KCNIP1: variants seen among roughly 807,000 people sequenced by gnomAD.
KCNIP1 encodes the protein potassium voltage-gated channel interacting protein 1.
KCNIP1 carries 18 observed loss-of-function variants against 33.0 expected under a neutral mutation model. That is an observed-to-expected ratio of 0.55 (90% CI 0.38 to 0.81). The LOEUF is 0.81. Ranked by LOEUF, KCNIP1 falls within the 30% of genes least tolerant of loss-of-function variation. KCNIP1 has a pLI of 0.00. For synonymous variants in KCNIP1, 93 were observed against 98.3 expected, an observed-to-expected ratio of 0.95 and a Z score of 0.32; for missense variants, 238 against 271.6, an observed-to-expected ratio of 0.88 and a Z score of 0.87.
chr5:170,368,413 G>A (rs780530239), intron 1 of KCNIP1, among the ~76,000 whole-genome samples: 4 of 151,856 alleles, frequency 2.6e-5, no homozygotes, highest in Non-Finnish European at 4.4e-5. Context: ...TACAGGTGCC[G>A]GCCACCACAG....
chr5:170,466,759 C>T (rs1169104770), intron 1 of KCNIP1, among the ~76,000 whole-genome samples: 2 of 152,114 alleles, frequency 1.3e-5, no homozygotes, highest in South Asian at 2.1e-4. Flanking sequence ...TTTATGAGGA[C>T]GCTAATCCCA....
rs137878062 is a variant in KCNIP1 at position 170,663,262 on chromosome 5, G to T, written c.62-55496G>T. Among the ~76,000 whole-genome samples, 151 of 152,296 alleles carry T rather than the reference G, an allele frequency of 9.9e-4. 1 individual carries two copies. Among genetic ancestry groups the T allele is most frequent in the African/African-American group, 3.5e-3 (145 of 41,560 alleles). The stretch of plus-strand genomic sequence containing the variant: ...GCCAGAGTGAAACTCTGGGGTATTT[G>T]ACTTTAAAGTCCCAGCCTTTAAATC... On this transcript the variant is annotated intron_variant, in intron 1 of 7. Coordinates refer to ENST00000328939, the MANE Select transcript of KCNIP1 (RefSeq NM_014592.4).
upstream of KCNIP1, among the ~76,000 whole-genome samples, chr5:170,503,743 CACACACACACACACACACACAT>C (rs1304382191): frequency 2.0e-5 from 3 of 150,674 alleles, no homozygotes; most frequent in African/African-American, 7.3e-5. Context: ...CACACACACA[CACACACACACACACACACACAT>C]ACACACACAC....
At chr5:170,700,322 T>C (rs1763050486) in intron 1 of KCNIP1, among the ~76,000 whole-genome samples, 1 of 152,132 alleles carries the variant, frequency 6.6e-6, no homozygotes, top group African/African-American at 2.4e-5. Flanking sequence ...CTTTCCTCCA[T>C]CATAATTTGC....
chr5:170,722,506 G>A (rs147394565), intron 4 of KCNIP1, among the ~76,000 whole-genome samples: 181 of 144,498 alleles, frequency 1.3e-3, no homozygotes, highest in African/African-American at 4.3e-3. Context: ...CCTCAAGGGG[G>A]CACCTTGCAA....
intron 1 of KCNIP1, among the ~76,000 whole-genome samples, chr5:170,467,192 G>A (rs1444395797): frequency 1.3e-5 from 2 of 152,174 alleles, no homozygotes; most frequent in Non-Finnish European, 1.5e-5. Context: ...GCAGCTGGCC[G>A]TGAGTCAGAG....
At chr5:170,583,063 G>A (rs534497769) in intron 1 of KCNIP1, among the ~76,000 whole-genome samples, 3 of 152,336 alleles carry the variant, frequency 2.0e-5, no homozygotes, top group East Asian at 1.9e-4. Flanking sequence ...CTGTGGGTGG[G>A]AGGGCTTTCA....
At chr5:170,686,365 G>A (rs1762537848) in intron 1 of KCNIP1, among the ~76,000 whole-genome samples, 2 of 151,554 alleles carry the variant, frequency 1.3e-5, no homozygotes, top group African/African-American at 2.4e-5. Context: ...AGAGGGGGAG[G>A]GAGGAACAGA....
chr5:170,691,140 T>C (rs982874456), intron 1 of KCNIP1, among the ~76,000 whole-genome samples: 6 of 152,220 alleles, frequency 3.9e-5, no homozygotes, highest in Non-Finnish European at 7.3e-5. Context: ...AACCATCAGT[T>C]TGAATGCCTT....
At chr5:170,492,908 C>A (rs1013037598) in intron 1 of KCNIP1, among the ~76,000 whole-genome samples, 1 of 152,142 alleles carries the variant, frequency 6.6e-6, no homozygotes, top group African/African-American at 2.4e-5. Flanking sequence ...CACCACCATG[C>A]CTGGCTAATT....
At chr5:170,457,219 AC>A (rs59326560) in intron 1 of KCNIP1, among the ~76,000 whole-genome samples, 11,947 of 152,286 alleles carry the variant, frequency 0.078, 530 homozygotes, top group East Asian at 0.24. Context: ...GACACAAACT[AC>A]AAAAACTGAC....
At chr5:170,525,278 A>C (rs1170843854) in intron 1 of KCNIP1, among the ~76,000 whole-genome samples, 1 of 152,188 alleles carries the variant, frequency 6.6e-6, no homozygotes, top group African/African-American at 2.4e-5. Context: ...CTACTCCCGC[A>C]CTTAGTAGCC....
chr5:170,608,711 G>A (rs564768862), intron 1 of KCNIP1, among the ~76,000 whole-genome samples: 3 of 151,754 alleles, frequency 2.0e-5, no homozygotes, highest in South Asian at 4.2e-4. Flanking sequence ...GGCAGAGGTT[G>A]CAGTGAGCTG....
Position 170,722,644 on chromosome 5 carries a change from C to T in KCNIP1, c.328-69C>T, listed in dbSNP as rs189799671. 4,220 of 1,081,828 alleles carry T rather than the reference C, an allele frequency of 3.9e-3. 14 individuals are homozygous for T. Among genetic ancestry groups the T allele is most frequent in the Middle Eastern group, 0.011 (55 of 5,062 alleles). The allele number at this position is 1,081,828 out of a possible 1,614,324, so 67.0% of individuals were successfully genotyped here. On this transcript the variant is annotated intron_variant, in intron 4 of 7. Transcript: ENST00000328939. ...TTCTGTGAGAGTATCACAGTCTGAC[C>T]CAAAGACACAGCTTCACACTGTCTG... is the stretch of plus-strand genomic sequence containing the variant.
intron 1 of KCNIP1, among the ~76,000 whole-genome samples, chr5:170,443,516 A>T (rs1756041006): frequency 6.6e-6 from 1 of 152,190 alleles, no homozygotes; most frequent in African/African-American, 2.4e-5. Flanking sequence ...AACAGGTAGA[A>T]TGATTATTTC....
At chr5:170,722,960 A>T in intron 5 of KCNIP1, 140 bp downstream of exon 5, 1 of 609,114 alleles carries the variant, frequency 1.6e-6, no homozygotes, top group Non-Finnish European at 2.9e-6. Context: ...GTCCCTGGCA[A>T]AATAAAGAAG....
intron 1 of KCNIP1, among the ~76,000 whole-genome samples, chr5:170,668,242 G>A (rs1161666963): frequency 6.6e-6 from 1 of 152,226 alleles, no homozygotes; most frequent in East Asian, 1.9e-4. Flanking sequence ...TGGCCAGGGA[G>A]GGCAGATAAG....
chr5:170,545,393 G>T (rs889787475), intron 1 of KCNIP1, among the ~76,000 whole-genome samples: 3 of 152,082 alleles, frequency 2.0e-5, no homozygotes, highest in Admixed American at 2.0e-4. Flanking sequence ...TGGGCTTCTT[G>T]AATCAATGAG....
At chr5:170,562,019 C>A (rs924245506) in intron 1 of KCNIP1, among the ~76,000 whole-genome samples, 1 of 152,230 alleles carries the variant, frequency 6.6e-6, no homozygotes, top group African/African-American at 2.4e-5. Flanking sequence ...TCTCAATAAA[C>A]CCATCATAAA....
Sources: allele counts gnomAD v4.1 joint callset (sites outside exome capture counted in the v4.1 genomes callset), GRCh38; gene constraint gnomAD v4.1.1; transcripts MANE v1.5; gene names NCBI Gene and HGNC (gene_info 2026-07-23, HGNC 2026-07-21).